Variants in PHLDB2 observed in about 807,000 individuals in gnomAD.
PHLDB2 encodes pleckstrin homology like domain family B member 2.
A neutral mutation model predicts 123.6 loss-of-function variants in PHLDB2; 71 were observed. The ratio of observed to expected loss-of-function variants is 0.57; its 90% CI spans 0.47 to 0.70. The LOEUF (loss-of-function observed/expected upper bound fraction) is 0.70. PHLDB2 is among the 30% of genes least tolerant of loss of function. The pLI is 0.00. For synonymous variants in PHLDB2, 547 were observed against 541.6 expected, an observed-to-expected ratio of 1.01 and a Z score of -0.14; for missense variants, 1,446 against 1,519.5, an observed-to-expected ratio of 0.95 and a Z score of 0.80.
At chr3:111,846,156 T>C (rs769859774) in intron 2 of PHLDB2, 120 of 469,332 alleles carry the variant, frequency 2.6e-4, no homozygotes, top group Non-Finnish European at 3.9e-4. Flanking sequence ...TGAGGTTTTA[T>C]TTAGTCCAGA....
chr3:111,779,738 G>A (rs1010726876), intron 1 of PHLDB2: 1 of 530,774 alleles, frequency 1.9e-6, no homozygotes, highest in African/African-American at 2.1e-5. Context: ...GCGTTAAGAT[G>A]AACATACAGG....
intron 1 of PHLDB2, 23 bp downstream of exon 1, chr3:111,859,599 C>G: frequency 3.0e-6 from 3 of 985,504 alleles, no homozygotes; most frequent in Non-Finnish European, 3.6e-6. Flanking sequence ...CGGTGGTCGC[C>G]CGGGAGGAGG....
At chr3:111,924,540 C>A (rs1185573492) in intron 5 of PHLDB2, among the ~76,000 whole-genome samples, 1 of 152,256 alleles carries the variant, frequency 6.6e-6, no homozygotes, top group Non-Finnish European at 1.5e-5. Context: ...TGTGCATATG[C>A]CAGGAGGCCT....
chr3:111,910,101 T>C (rs2067797913), intron 2 of PHLDB2, among the ~76,000 whole-genome samples: 1 of 152,026 alleles, frequency 6.6e-6, no homozygotes, highest in African/African-American at 2.4e-5. Context: ...GGAAAAAAGC[T>C]CAGAGGTCAA....
chr3:111,829,351 T>G (rs757941046), intron 1 of PHLDB2, among the ~76,000 whole-genome samples: 3 of 151,088 alleles, frequency 2.0e-5, no homozygotes, highest in African/African-American at 4.9e-5. Context: ...GAAGGTATCA[T>G]GCTCACTCAA....
intron 1 of PHLDB2, among the ~76,000 whole-genome samples, chr3:111,747,636 C>T (rs2059701513): frequency 6.6e-6 from 1 of 152,120 alleles, no homozygotes; most frequent in African/African-American, 2.4e-5. Context: ...TAGCCTCTGA[C>T]TATGTTTCCC....
intron 1 of PHLDB2, among the ~76,000 whole-genome samples, chr3:111,769,280 A>G (rs1325969504): frequency 6.6e-6 from 1 of 152,190 alleles, no homozygotes; most frequent in African/African-American, 2.4e-5. Context: ...GAGCATGAAG[A>G]GTATGGAAAA....
At chr3:111,791,894 T>C (rs1164226387) in intron 1 of PHLDB2, among the ~76,000 whole-genome samples, 2 of 152,254 alleles carry the variant, frequency 1.3e-5, no homozygotes, top group Non-Finnish European at 2.9e-5. Flanking sequence ...GTCACCCTAC[T>C]GTGTTCTCAA....
At position 111,948,950 on chromosome 3, in the gene PHLDB2, G is replaced by A; in HGVS notation, c.2506G>A (p.Glu836Lys). The A allele has an allele frequency of 6.2e-7, 1 of 1,613,986 alleles. No individual in the cohort carries two copies. The highest frequency in any genetic ancestry group is 8.5e-7 in the Non-Finnish European group (1 of 1,179,940). ...TLKEGYISVN[E>K]INEPCGNSTN... The stretch of plus-strand genomic sequence containing the variant: ...CTTTTAGGGCTATATCAGTGTAAAT[G>A]AGATTAATGAGCCGTGTGGCAATTC... The change falls in exon 10 of 18, where the codon GAG (glutamate) becomes AAG (lysine). Residue 836 changes from glutamate to lysine, a missense_variant. This residue lies in a region of PHLDB2 where 594 missense variants were observed against 646.0 expected (regional missense o/e 0.92). Coordinates refer to ENST00000431670, the MANE Select transcript of PHLDB2 (RefSeq NM_001134438.2).
chr3:111,786,405 G>A (rs2060683323), intron 1 of PHLDB2, among the ~76,000 whole-genome samples: 1 of 152,098 alleles, frequency 6.6e-6, no homozygotes, highest in South Asian at 2.1e-4. Flanking sequence ...ACTGCTGTAG[G>A]AATTCAAACA....
chr3:111,803,533 G>C (rs2061458555), intron 1 of PHLDB2, among the ~76,000 whole-genome samples: 1 of 151,526 alleles, frequency 6.6e-6, no homozygotes, highest in Non-Finnish European at 1.5e-5. Context: ...TCCTGACTCA[G>C]GCATTTGAGT....
intron 6 of PHLDB2, among the ~76,000 whole-genome samples, chr3:111,933,323 G>A (rs1167292082): frequency 6.6e-6 from 1 of 152,160 alleles, no homozygotes; most frequent in African/African-American, 2.4e-5. Context: ...ATGTTATTAT[G>A]TTTGTACCTT....
At chr3:111,953,526 CAG>C (rs754289500) in intron 11 of PHLDB2, among the ~76,000 whole-genome samples, 11 of 152,152 alleles carry the variant, frequency 7.2e-5, no homozygotes, top group Non-Finnish European at 1.5e-4. Flanking sequence ...CACCGCATAA[CAG>C]GGGATAAATA....
At chr3:111,764,105 G>A (rs562050783) in intron 1 of PHLDB2, among the ~76,000 whole-genome samples, 1 of 152,252 alleles carries the variant, frequency 6.6e-6, no homozygotes, top group South Asian at 2.1e-4. Flanking sequence ...TGTGACCTTT[G>A]ACAAGCTATG....
intron 2 of PHLDB2, among the ~76,000 whole-genome samples, chr3:111,899,874 G>A (rs151319453): frequency 2.0e-4 from 30 of 152,314 alleles, no homozygotes; most frequent in African/African-American, 6.5e-4. Context: ...CCAAAGTGCT[G>A]GGATTACAGG....
intron 1 of PHLDB2, among the ~76,000 whole-genome samples, chr3:111,768,182 G>T (rs4682304): frequency 2.0e-5 from 3 of 151,968 alleles, no homozygotes; most frequent in African/African-American, 4.8e-5. Flanking sequence ...ACCCAATTTC[G>T]TTTTAGGTGA....
chr3:111,962,797 C>T (rs548097589), intron 13 of PHLDB2, among the ~76,000 whole-genome samples: 79 of 152,054 alleles, frequency 5.2e-4, no homozygotes, highest in African/African-American at 1.8e-3. Context: ...GGCATGGTGG[C>T]GCATGCCTGT....
intron 1 of PHLDB2, among the ~76,000 whole-genome samples, chr3:111,879,232 T>G (rs1035085810): frequency 2.0e-5 from 3 of 152,180 alleles, no homozygotes; most frequent in African/African-American, 7.2e-5. Context: ...ATTTCAGAAC[T>G]TGTTATTGTT....
intron 5 of PHLDB2, among the ~76,000 whole-genome samples, chr3:111,921,882 G>A (rs934502630): frequency 5.3e-5 from 8 of 152,304 alleles, no homozygotes; most frequent in Admixed American, 2.0e-4. Context: ...GATTACAGGC[G>A]TGAGCCGCCG....
Sources: gnomAD v4.1 joint callset for allele counts (sites outside exome capture counted in the v4.1 genomes callset) on GRCh38, gnomAD v4.1.1 for gene constraint, gnomAD v4.1.1 regional missense constraint, MANE v1.5 for transcripts, NCBI Gene and HGNC (gene_info 2026-07-23, HGNC 2026-07-21) for gene names.